SLC6A11: variants seen among roughly 807,000 people sequenced by gnomAD.
SLC6A11 encodes sodium- and chloride-dependent GABA transporter 3.
Under a neutral mutation model 74.8 loss-of-function variants are expected in SLC6A11, and 25 were observed. The ratio of observed to expected loss-of-function variants is 0.33; its 90% CI spans 0.24 to 0.47. The LOEUF is 0.47. SLC6A11 is among the 20% of genes least tolerant of loss of function. SLC6A11 has a pLI of 1.00. For synonymous variants in SLC6A11, 330 were observed against 330.2 expected, an observed-to-expected ratio of 1.00 and a Z score of 0.01; for missense variants, 574 against 837.0, an observed-to-expected ratio of 0.69 and a Z score of 3.88.
At chr3:10,935,580 C>T (rs1695750187) in intron 13 of SLC6A11, among the ~76,000 whole-genome samples, 1 of 152,232 alleles carries the variant, frequency 6.6e-6, no homozygotes, top group Non-Finnish European at 1.5e-5. Context: ...TGACCTGTCA[C>T]TGTGCCAGGC....
rs141851726 is a variant in SLC6A11 at position 10,922,545 on chromosome 3, C to T, written c.1121-3459C>T. The stretch of plus-strand genomic sequence containing the variant: ...AAATACAGAAAGGATTAACTAGAAA[C>T]AAACAAGGATGGTTACCTTCAGGGG... On this transcript the variant is annotated intron_variant, in intron 8 of 13. Transcript: ENST00000254488. Among the ~76,000 whole-genome samples the T allele has an allele frequency of 5.4e-3, 817 of 152,038 alleles. 13 individuals are homozygous for T. The highest frequency in any genetic ancestry group is 0.018 in the African/African-American group (766 of 41,488).
chr3:10,822,599 G>A (rs1017261977), intron 3 of SLC6A11, among the ~76,000 whole-genome samples: 1 of 152,162 alleles, frequency 6.6e-6, no homozygotes. Flanking sequence ...AGGGGAGGGA[G>A]GTTGGGGAAG....
chr3:10,922,420 T>A (rs917253535), intron 8 of SLC6A11, among the ~76,000 whole-genome samples: 3 of 152,160 alleles, frequency 2.0e-5, no homozygotes, highest in African/African-American at 7.2e-5. Flanking sequence ...ATGGTGTGTG[T>A]GTGTAAAAGT....
chr3:10,855,205 C>T, intron 5 of SLC6A11, among the ~76,000 whole-genome samples: 1 of 152,150 alleles, frequency 6.6e-6, no homozygotes, highest in East Asian at 1.9e-4. Context: ...ATATCTCCTG[C>T]TGATACAAGC....
rs1330650208 is a variant in SLC6A11 at position 10,880,509 on chromosome 3, C to G, written c.891+5414C>G. Among the ~76,000 whole-genome samples, 4 of 152,110 alleles carry G rather than the reference C, an allele frequency of 2.6e-5. No individual in the cohort carries two copies. The East Asian group carries it at 7.7e-4, about 29-fold the overall frequency. ...TGACTCTATAGCCAGTAAAATCTCT[C>G]CCACAAGTGGAGAAATAGGAAATAG... is the stretch of plus-strand genomic sequence containing the variant. On this transcript the variant is annotated intron_variant, in intron 6 of 13. Transcript: ENST00000254488.
At chr3:10,902,197 G>A (rs1695249397) in intron 6 of SLC6A11, among the ~76,000 whole-genome samples, 1 of 152,182 alleles carries the variant, frequency 6.6e-6, no homozygotes. Context: ...CTGGCTTCTT[G>A]GATCCAAAAG....
intron 6 of SLC6A11, among the ~76,000 whole-genome samples, chr3:10,911,747 A>G (rs542852801): frequency 9.2e-5 from 14 of 152,236 alleles, no homozygotes; most frequent in African/African-American, 3.4e-4. Flanking sequence ...TTTCTTCCCT[A>G]CTTTGCTGAT....
chr3:10,829,695 C>A (rs1454254529), intron 4 of SLC6A11, among the ~76,000 whole-genome samples: 1 of 152,174 alleles, frequency 6.6e-6, no homozygotes, highest in Non-Finnish European at 1.5e-5. Context: ...GGTAAACGTA[C>A]CCACCCCTTA....
At chr3:10,903,936 A>G (rs1695271814) in intron 6 of SLC6A11, among the ~76,000 whole-genome samples, 1 of 152,258 alleles carries the variant, frequency 6.6e-6, no homozygotes, top group Admixed American at 6.5e-5. Context: ...TCCCCCAAAC[A>G]TCTAAGAAAT....
chr3:10,883,621 A>G (rs1695008475), intron 6 of SLC6A11, among the ~76,000 whole-genome samples: 1 of 152,076 alleles, frequency 6.6e-6, no homozygotes, highest in Admixed American at 6.5e-5. Flanking sequence ...AACCCACAAA[A>G]AGATGAATCA....
At chr3:10,895,825 G>A (rs774818814) in intron 6 of SLC6A11, among the ~76,000 whole-genome samples, 73 of 152,052 alleles carry the variant, frequency 4.8e-4, no homozygotes, top group Non-Finnish European at 7.8e-4. Flanking sequence ...TAATGCATGT[G>A]GGGCTTACTA....
intron 5 of SLC6A11, among the ~76,000 whole-genome samples, chr3:10,860,117 T>C (rs1352660059): frequency 6.6e-6 from 1 of 152,260 alleles, no homozygotes; most frequent in Non-Finnish European, 1.5e-5. Flanking sequence ...ATTTCTATTT[T>C]CTTTACAGTA....
At chr3:10,820,799 G>T (rs937672788) in intron 3 of SLC6A11, among the ~76,000 whole-genome samples, 1 of 152,244 alleles carries the variant, frequency 6.6e-6, no homozygotes, top group South Asian at 2.1e-4. Context: ...CTCCAATAGT[G>T]CTCCAGAGAG....
At chr3:10,898,425 C>G (rs1451712522) in intron 6 of SLC6A11, among the ~76,000 whole-genome samples, 1 of 152,192 alleles carries the variant, frequency 6.6e-6, no homozygotes, top group Non-Finnish European at 1.5e-5. Flanking sequence ...TTAACAGCAC[C>G]CAAGTCACCT....
intron 5 of SLC6A11, among the ~76,000 whole-genome samples, chr3:10,856,247 G>A (rs1694637268): frequency 6.6e-6 from 1 of 152,216 alleles, no homozygotes; most frequent in Admixed American, 6.5e-5. Context: ...GCAGCTCTAG[G>A]TGTGAAACCC....
At chr3:10,867,861 G>A (rs1456075341) in intron 5 of SLC6A11, among the ~76,000 whole-genome samples, 1 of 152,180 alleles carries the variant, frequency 6.6e-6, no homozygotes. Context: ...ACACAGCTCA[G>A]ACTCAGAGTC....
At chr3:10,890,779 C>G (rs1559573352) in intron 6 of SLC6A11, among the ~76,000 whole-genome samples, 1 of 152,180 alleles carries the variant, frequency 6.6e-6, no homozygotes, top group East Asian at 1.9e-4. Context: ...TTTAGCAGTT[C>G]TTTGAGCAAG....
intron 4 of SLC6A11, among the ~76,000 whole-genome samples, chr3:10,843,435 G>A (rs1021257918): frequency 2.0e-5 from 3 of 152,090 alleles, no homozygotes; most frequent in Non-Finnish European, 2.9e-5. Context: ...TGGCCATGCC[G>A]TTCCTTCCAC....
intron 5 of SLC6A11, among the ~76,000 whole-genome samples, chr3:10,851,079 ACAGT>A (rs1694569777): frequency 6.6e-6 from 1 of 152,068 alleles, no homozygotes; most frequent in South Asian, 2.1e-4. Context: ...TGCCCAGCGG[ACAGT>A]CAGAGTGTCC....
Sources: allele counts gnomAD v4.1 joint callset (sites outside exome capture counted in the v4.1 genomes callset), GRCh38; gene constraint gnomAD v4.1.1; transcripts MANE v1.5; gene names NCBI Gene and HGNC (gene_info 2026-07-23, HGNC 2026-07-21).